DORIP1: variants seen among roughly 807,000 people sequenced by gnomAD.
The protein encoded by DORIP1 is dopamine receptor interacting protein 1.
At chr14:44,900,848 A>G in the DORIP1 span, 1 of 1,614,090 alleles carries the variant, frequency 6.2e-7, no homozygotes, top group Non-Finnish European at 8.5e-7. Flanking sequence ...GAGCATGATA[A>G]TTTTACAAAA....
the DORIP1 span, chr14:44,900,498 A>C: frequency 6.3e-7 from 1 of 1,579,900 alleles, no homozygotes; most frequent in Non-Finnish European, 8.5e-7. Context: ...AAGATCGATC[A>C]TTTTGTAGGC....
the DORIP1 span, chr14:44,904,624 A>T: frequency 4.1e-6 from 5 of 1,206,600 alleles, no homozygotes; most frequent in African/African-American, 1.6e-5. Flanking sequence ...GATATTGTTG[A>T]AAACAATCAT....
chr14:44,899,572 G>GTT, the DORIP1 span, among the ~76,000 whole-genome samples: 10 of 146,056 alleles, frequency 6.8e-5, no homozygotes, highest in African/African-American at 1.2e-4. Flanking sequence ...AGCAACAGGA[G>GTT]TTTTTTTTTT....
the DORIP1 span, among the ~76,000 whole-genome samples, chr14:44,899,824 ATTTTTTTT>A: frequency 1.7e-5 from 2 of 115,274 alleles, no homozygotes; most frequent in African/African-American, 3.6e-5. Context: ...TCATTTAGGA[ATTTTTTTT>A]TTTTTTTTTT....
the DORIP1 span, chr14:44,900,282 G>A: frequency 1.7e-6 from 1 of 597,872 alleles, no homozygotes. Context: ...TGCGCGAAAA[G>A]TGGCTCATTT....
the DORIP1 span, chr14:44,899,336 A>T: frequency 6.6e-6 from 1 of 152,232 alleles, no homozygotes; most frequent in Non-Finnish European, 1.5e-5. Flanking sequence ...ATAGGGAATA[A>T]TCAGGATATT....
chr14:44,903,356 C>T, the DORIP1 span: 14 of 1,527,148 alleles, frequency 9.2e-6, no homozygotes, highest in Non-Finnish European at 2.7e-6. Context: ...GAAACCTAGG[C>T]AGATGTGCTC....
the DORIP1 span, chr14:44,900,371 T>A: frequency 7.6e-7 from 1 of 1,318,670 alleles, no homozygotes; most frequent in Non-Finnish European, 1.0e-6. Flanking sequence ...CGTTTAAACA[T>A]ATTATGCATT....
the DORIP1 span, chr14:44,904,277 T>C: frequency 6.8e-7 from 1 of 1,461,522 alleles, no homozygotes; most frequent in Non-Finnish European, 9.0e-7. Context: ...GTATTAACCA[T>C]TACCTACACC....
chr14:44,903,920 T>TAA, the DORIP1 span: 151 of 978,520 alleles, frequency 1.5e-4, no homozygotes, highest in Non-Finnish European at 1.7e-4. Flanking sequence ...GCATTCCGGT[T>TAA]AATCAAGATT....
the DORIP1 span, chr14:44,906,933 A>C: frequency 6.6e-6 from 1 of 152,168 alleles, no homozygotes; most frequent in Non-Finnish European, 1.5e-5. Flanking sequence ...AAAAAAAAAA[A>C]TTCACCCCAA....
At chr14:44,906,975 A>C in the DORIP1 span, 1 of 152,396 alleles carries the variant, frequency 6.6e-6, no homozygotes, top group African/African-American at 2.4e-5. Flanking sequence ...GTATCTGATT[A>C]GGATTTAATT....
chr14:44,906,883 T>C, the DORIP1 span: 1 of 152,038 alleles, frequency 6.6e-6, no homozygotes, highest in African/African-American at 2.4e-5. Flanking sequence ...GCAAATACTA[T>C]GAAAATTCTT....
At chr14:44,901,045 C>T in the DORIP1 span, 1 of 1,352,822 alleles carries the variant, frequency 7.4e-7, no homozygotes, top group South Asian at 1.5e-5. Flanking sequence ...CCCATAATGA[C>T]ATTTGGGTCA....
chr14:44,900,798 A>G, the DORIP1 span: 3 of 1,614,132 alleles, frequency 1.9e-6, no homozygotes, highest in East Asian at 6.7e-5. Flanking sequence ...ACAAATCTGA[A>G]GTCCATAAAG....
At chr14:44,903,469 T>C in the DORIP1 span, 7 of 1,289,040 alleles carry the variant, frequency 5.4e-6, no homozygotes, top group African/African-American at 6.0e-5. Flanking sequence ...CTACAGCTGA[T>C]TGATGAATAC....
At chr14:44,897,817 G>A in the DORIP1 span, among the ~76,000 whole-genome samples, 1 of 152,192 alleles carries the variant, frequency 6.6e-6, no homozygotes, top group Admixed American at 6.5e-5. Flanking sequence ...CTCCCCGGGG[G>A]CGCACGCCTA....
At chr14:44,898,579 T>G in the DORIP1 span, among the ~76,000 whole-genome samples, 1 of 152,244 alleles carries the variant, frequency 6.6e-6, no homozygotes, top group African/African-American at 2.4e-5. Flanking sequence ...ATTTTCGTTT[T>G]TAAAGTATTT....
chr14:44,900,567 TACACC>T, the DORIP1 span: 2 of 1,611,806 alleles, frequency 1.2e-6, no homozygotes, highest in Non-Finnish European at 1.7e-6. Flanking sequence ...CAGTATCCTG[TACACC>T]ACTCTATGTT....
Sources: allele counts gnomAD v4.1 joint callset (sites outside exome capture counted in the v4.1 genomes callset), GRCh38; gene constraint gnomAD v4.1.1; transcripts MANE v1.5; gene names NCBI Gene and HGNC (gene_info 2026-07-23, HGNC 2026-07-21).